The following AGPS variants were observed in gnomAD, a reference collection of about 807,000 sequenced individuals.
The protein encoded by AGPS is alkyldihydroxyacetonephosphate synthase, peroxisomal.
A neutral mutation model predicts 90.7 loss-of-function variants in AGPS; 26 were observed. The ratio of observed to expected loss-of-function variants is 0.29; its 90% CI spans 0.21 to 0.40. AGPS has a LOEUF of 0.40. Ranked by LOEUF, AGPS falls within the 10% of genes least tolerant of loss-of-function variation. The pLI, the probability that AGPS is intolerant of heterozygous loss-of-function variation, is 1.00. For missense variants in AGPS, 540 were observed against 816.1 expected (o/e 0.66, Z 4.12); for synonymous variants, 294 against 285.3 (o/e 1.03, Z -0.31).
chr2:177,465,767 C>T (rs1559058650), intron 9 of AGPS, among the ~76,000 whole-genome samples: 1 of 152,236 alleles, frequency 6.6e-6, no homozygotes, highest in Non-Finnish European at 1.5e-5. Context: ...TGAGCCATAG[C>T]CCTGGCTCAG....
In AGPS at chr2:177,499,676, G is replaced by T. The variant is rs764254438; in HGVS notation, c.1421G>T (p.Arg474Leu). The T allele has an allele frequency of 2.5e-6, 4 of 1,611,884 alleles. No individual in the cohort carries two copies. The highest frequency in any genetic ancestry group is 2.5e-6 in the Non-Finnish European group (3 of 1,178,790). The part of the protein sequence containing the change: ...SVATLLFEGD[R>L]EKVLQHEKQV... ...GCCACATTACTGTTTGAGGGGGATC[G>T]TGAGAAGGTTCTTCAACATGAAAAA... The change falls in exon 14 of 20, where the codon CGT (arginine) becomes CTT (leucine). Residue 474 changes from arginine (R) to leucine (L), a missense_variant. This residue lies in a region of AGPS where 405 missense variants were observed against 692.1 expected (regional missense o/e 0.59). Transcript: ENST00000264167.
chr2:177,481,099 A>G (rs565142166), intron 10 of AGPS, among the ~76,000 whole-genome samples: 16 of 152,180 alleles, frequency 1.1e-4, no homozygotes, highest in African/African-American at 3.9e-4. Flanking sequence ...TTATATTGTA[A>G]ACTTACTGGA....
At chr2:177,465,521 C>T (rs1687419920) in intron 9 of AGPS, among the ~76,000 whole-genome samples, 1 of 152,172 alleles carries the variant, frequency 6.6e-6, no homozygotes, top group Non-Finnish European at 1.5e-5. Context: ...CCCATGCTTG[C>T]CAACGGCGAG....
At position 177,424,004 on chromosome 2, in the gene AGPS, G is replaced by T. The variant is rs144340227; in HGVS notation, c.350+3646G>T. Among the ~76,000 whole-genome samples, 230 of 152,096 alleles carry T rather than the reference G, an allele frequency of 1.5e-3. 1 individual carries two copies. Among genetic ancestry groups the T allele is most frequent in the African/African-American group, 5.2e-3 (217 of 41,464 alleles). On this transcript the variant is annotated intron_variant, in intron 2 of 19. Coordinates refer to ENST00000264167, the MANE Select transcript of AGPS (RefSeq NM_003659.4). ...GCAGGATGTGCAGGTTTGTTACATA[G>T]CTAAACGTGTGACATGGTGGTTTGC...
At position 177,515,869 on chromosome 2, in the gene AGPS, G is replaced by A. The variant is rs548768584; in HGVS notation, c.1697+1961G>A. On this transcript the variant is annotated intron_variant, in intron 17 of 19. Coordinates refer to ENST00000264167, the MANE Select transcript of AGPS (RefSeq NM_003659.4). Reference sequence around the variant, plus strand: ...GGCTTTGATAAATAAGACTTTTATGGTTCTTATGGCTCATACTTGATTAAA... The same window carrying A: ...GGCTTTGATAAATAAGACTTTTATGATTCTTATGGCTCATACTTGATTAAA... Among the ~76,000 whole-genome samples, 3 of 152,216 alleles carry A rather than the reference G, an allele frequency of 2.0e-5. No individual in the cohort carries two copies. In the South Asian group the frequency reaches 6.2e-4, roughly 32 times the overall value.
At chr2:177,405,347 C>G (rs1375869811) in intron 1 of AGPS, among the ~76,000 whole-genome samples, 1 of 152,236 alleles carries the variant, frequency 6.6e-6, no homozygotes, top group Non-Finnish European at 1.5e-5. Flanking sequence ...TGAGCTGAAC[C>G]AACTCTGGTT....
rs534590736 is a variant in AGPS, at chr2:177,484,638, G to T, written c.1233+2452G>T. ...TGGGATTACAGTCGTGAGCCACCAT[G>T]CCCAGCCACAAAAAGTGTTATTAAA... On this transcript the variant is annotated intron_variant, in intron 11 of 19. Coordinates refer to ENST00000264167, the MANE Select transcript of AGPS (RefSeq NM_003659.4). 3.9e-5 allele frequency among the ~76,000 whole-genome samples: 6 copies of T among 152,022 alleles called. No individual in the cohort carries two copies. The East Asian group carries it at 1.2e-3, about 29-fold the overall frequency.
In AGPS at chr2:177,488,403, A is replaced by G. The variant is rs556606988; in HGVS notation, c.1234-4745A>G. 2.6e-5 allele frequency among the ~76,000 whole-genome samples: 4 copies of G among 152,104 alleles called. No individual in the cohort carries two copies. In the East Asian group the frequency reaches 5.8e-4, roughly 22 times the overall value. ...AATTTTGTTTTTGTATTTTTAGTAG[A>G]GACAGGGTTTCACCGTGTTAGCCAG... On this transcript the variant is annotated intron_variant, in intron 11 of 19. Transcript: ENST00000264167.
At chr2:177,400,195 G>A (rs139213001) in intron 1 of AGPS, among the ~76,000 whole-genome samples, 1 of 152,148 alleles carries the variant, frequency 6.6e-6, no homozygotes, top group East Asian at 1.9e-4. Context: ...AATGCTCCCA[G>A]GTACTAAATC....
chr2:177,521,364 C>G lies in AGPS; in HGVS notation c.1793C>G (p.Thr598Ser). 6.2e-7 allele frequency: 1 copy of G among 1,612,220 alleles called. No individual in the cohort carries two copies. The highest frequency in any genetic ancestry group is 8.5e-7 in the Non-Finnish European group (1 of 1,178,282). ...GACCCACTGACCGTATTTGAACAAA[C>G]TGAGGTAATTTTGCATACCTGCATA... The part of the protein sequence containing the change: ...ISDPLTVFEQ[T>S]EAAAREEILA... The change falls in exon 18 of 20, where the codon ACT becomes AGT. Residue 598 changes from threonine (T) to serine (S), a missense_variant. Thr to Ser is a moderately conservative substitution (Grantham distance 58). This residue lies in a region of AGPS where 405 missense variants were observed against 692.1 expected (regional missense o/e 0.59). Transcript: ENST00000264167.
intron 19 of AGPS, among the ~76,000 whole-genome samples, chr2:177,531,897 G>A (rs1025016248): frequency 2.0e-5 from 3 of 151,438 alleles, no homozygotes; most frequent in African/African-American, 7.3e-5. Context: ...AGGAAGCATA[G>A]CTTTTTCAAC....
At chr2:177,496,233 G>A (rs535768722) in intron 12 of AGPS, among the ~76,000 whole-genome samples, 6 of 152,066 alleles carry the variant, frequency 3.9e-5, no homozygotes, top group East Asian at 1.9e-4. Flanking sequence ...TATGGAGTCC[G>A]CATGCATTGT....
chr2:177,529,295 A>G (rs747571362), intron 19 of AGPS, among the ~76,000 whole-genome samples: 6 of 151,888 alleles, frequency 4.0e-5, no homozygotes, highest in Non-Finnish European at 7.4e-5. Flanking sequence ...GCAAGACTCT[A>G]TCTCTACAAA....
chr2:177,411,809 TG>T (rs1685629078), intron 1 of AGPS, among the ~76,000 whole-genome samples: 2 of 152,214 alleles, frequency 1.3e-5, no homozygotes, highest in African/African-American at 4.8e-5. Flanking sequence ...TCTATTATGT[TG>T]TTGTAGACCC....
At chr2:177,496,448 C>T (rs758631473) in intron 12 of AGPS, among the ~76,000 whole-genome samples, 12 of 151,878 alleles carry the variant, frequency 7.9e-5, no homozygotes, top group African/African-American at 1.9e-4. Flanking sequence ...TCTCTTAAAG[C>T]GCTAGTTATA....
At chr2:177,490,739 G>A (rs1242125884) in intron 11 of AGPS, among the ~76,000 whole-genome samples, 1 of 151,308 alleles carries the variant, frequency 6.6e-6, no homozygotes, top group Non-Finnish European at 1.5e-5. Context: ...GACTGGTACA[G>A]TGATCACCTG....
chr2:177,407,123 T>C (rs574609835), intron 1 of AGPS, among the ~76,000 whole-genome samples: 23 of 152,300 alleles, frequency 1.5e-4, no homozygotes, highest in Admixed American at 1.5e-3. Context: ...TTACTGAATC[T>C]TTCTGGACCA....
intron 19 of AGPS, among the ~76,000 whole-genome samples, chr2:177,531,478 A>T (rs2079136760): frequency 6.6e-6 from 1 of 152,198 alleles, no homozygotes; most frequent in Non-Finnish European, 1.5e-5. Context: ...CAGAATCTTG[A>T]TGAAAGAAAT....
At chr2:177,512,192 TTG>T in intron 16 of AGPS, among the ~76,000 whole-genome samples, 1 of 152,046 alleles carries the variant, frequency 6.6e-6, no homozygotes. Flanking sequence ...ATTTAAATAT[TTG>T]TTTTATAAGG....
Sources: gnomAD v4.1 joint callset for allele counts (sites outside exome capture counted in the v4.1 genomes callset) on GRCh38, gnomAD v4.1.1 for gene constraint, gnomAD v4.1.1 regional missense constraint, MANE v1.5 for transcripts, NCBI Gene and HGNC (gene_info 2026-07-23, HGNC 2026-07-21) for gene names.